Variants in XXYLT1 observed in about 807,000 individuals in gnomAD.
XXYLT1 encodes the protein xyloside xylosyltransferase 1.
In XXYLT1, 20 loss-of-function variants were observed where a neutral mutation model predicts 28.9. The observed-to-expected ratio is 0.69, with a 90% confidence interval of 0.49 to 1.00. The LOEUF is 1.00. XXYLT1 is among the 50% of genes least tolerant of loss of function. XXYLT1 has a pLI of 0.00. For synonymous variants in XXYLT1, 257 were observed against 253.8 expected, an observed-to-expected ratio of 1.01 and a Z score of -0.12; for missense variants, 542 against 560.1, an observed-to-expected ratio of 0.97 and a Z score of 0.33.
At chr3:195,236,759 C>T (rs568434191) in intron 1 of XXYLT1, among the ~76,000 whole-genome samples, 1 of 152,210 alleles carries the variant, frequency 6.6e-6, no homozygotes, top group East Asian at 1.9e-4. Flanking sequence ...TATGTACTAC[C>T]TGGTTACCAC....
chr3:195,250,265 A>G (rs1368429017), intron 1 of XXYLT1, among the ~76,000 whole-genome samples: 1 of 152,110 alleles, frequency 6.6e-6, no homozygotes, highest in Non-Finnish European at 1.5e-5. Flanking sequence ...TGCCCATCCA[A>G]TTAAAAACTG....
At chr3:195,087,697 G>A (rs964378246) in intron 3 of XXYLT1, among the ~76,000 whole-genome samples, 1 of 152,326 alleles carries the variant, frequency 6.6e-6, no homozygotes. Context: ...GGCCGAATAG[G>A]AACAGCTCTG....
At chr3:195,249,138 A>G (rs1725152848) in intron 1 of XXYLT1, among the ~76,000 whole-genome samples, 2 of 152,260 alleles carry the variant, frequency 1.3e-5, no homozygotes, top group Non-Finnish European at 2.9e-5. Context: ...TGGGTGAGAC[A>G]CTGTTTAAAA....
At chr3:195,112,920 G>A (rs1717856016) in intron 3 of XXYLT1, among the ~76,000 whole-genome samples, 1 of 152,260 alleles carries the variant, frequency 6.6e-6, no homozygotes. Flanking sequence ...GCCCCAGGTG[G>A]TGGGAACAGC....
At chr3:195,084,166 C>T (rs928552281) in intron 3 of XXYLT1, among the ~76,000 whole-genome samples, 3 of 152,212 alleles carry the variant, frequency 2.0e-5, no homozygotes, top group Non-Finnish European at 4.4e-5. Flanking sequence ...TCCTAGCGGG[C>T]TTTGGTTCTC....
At chr3:195,127,284 C>G (rs1718688964) in intron 3 of XXYLT1, among the ~76,000 whole-genome samples, 1 of 152,202 alleles carries the variant, frequency 6.6e-6, no homozygotes, top group Non-Finnish European at 1.5e-5. Flanking sequence ...GACTCTCAAG[C>G]ATCATCCGTA....
At chr3:195,179,289 G>A (rs956029699) in intron 2 of XXYLT1, among the ~76,000 whole-genome samples, 6 of 150,162 alleles carry the variant, frequency 4.0e-5, no homozygotes, top group African/African-American at 1.2e-4. Context: ...GCAGTGAGCC[G>A]AGATCGCGCC....
chr3:195,072,564 C>T (rs1342369236), intron 3 of XXYLT1, among the ~76,000 whole-genome samples: 2 of 152,146 alleles, frequency 1.3e-5, no homozygotes, highest in Non-Finnish European at 2.9e-5. Context: ...GGACAATGCT[C>T]AGCACCACCA....
Position 195,150,098 on chromosome 3 carries a change from G to A in XXYLT1, c.785+6351C>T, listed in dbSNP as rs1353039274. Among the ~76,000 whole-genome samples, 1 of 152,182 alleles carries A rather than the reference G, an allele frequency of 6.6e-6. No individual in the cohort carries two copies. On this transcript the variant is annotated intron_variant, in intron 3 of 3. Coordinates refer to ENST00000310380, the MANE Select transcript of XXYLT1 (RefSeq NM_152531.5). This position sits in a 1 kb window ranked among gnomAD's most constrained non-coding sequence, Gnocchi z 4.7. Reference sequence around the variant, plus strand: ...AGGCTGAGGTTAAGTGACTTCCCTAGGTTCACAGAACTTATCAGTGGCCAA... The same window carrying A: ...AGGCTGAGGTTAAGTGACTTCCCTAAGTTCACAGAACTTATCAGTGGCCAA...
chr3:195,198,933 T>G (rs558002235), intron 2 of XXYLT1, among the ~76,000 whole-genome samples: 1 of 152,242 alleles, frequency 6.6e-6, no homozygotes, highest in Admixed American at 6.5e-5. Context: ...CAAAAACCAA[T>G]TCTCAAGTTA....
At position 195,077,131 on chromosome 3, in the gene XXYLT1, G is replaced by A. The variant is rs980714692; in HGVS notation, c.786-7020C>T. ...AAAACCCCAGCCCCTGCTGCTCTCA[G>A]TGGGTGGAGACAGAATGACCCACAG... On this transcript the variant is annotated intron_variant, in intron 3 of 3. Transcript: ENST00000310380. The surrounding 1 kb of genome is among the most constrained non-coding windows in gnomAD (Gnocchi z 4.8). Among the ~76,000 whole-genome samples, 1 of 152,182 alleles carries A rather than the reference G, an allele frequency of 6.6e-6. No individual in the cohort carries two copies. Among genetic ancestry groups the A allele is most frequent in the Non-Finnish European group, 1.5e-5 (1 of 68,028 alleles).
intron 2 of XXYLT1, among the ~76,000 whole-genome samples, chr3:195,160,024 C>T (rs150754032): frequency 5.9e-5 from 9 of 152,112 alleles, no homozygotes; most frequent in African/African-American, 2.2e-4. Flanking sequence ...GTCATCTGAC[C>T]ATGGGTGGAA....
intron 3 of XXYLT1, among the ~76,000 whole-genome samples, chr3:195,131,083 G>A (rs1718883672): frequency 7.5e-6 from 1 of 133,600 alleles, no homozygotes; most frequent in African/African-American, 2.9e-5. Flanking sequence ...CTCAGAAATG[G>A]GACCCAAACA....
chr3:195,271,012 C>T lies in XXYLT1; in HGVS notation c.47G>A (p.Arg16His), dbSNP rs1357086058. Residue 16 changes from arginine (R) to histidine (H), a missense_variant, in exon 1 of 4, where the codon CGC becomes CAC. Physicochemically the swap from Arg to His is conservative, Grantham distance 29. Coordinates refer to ENST00000310380, the MANE Select transcript of XXYLT1 (RefSeq NM_152531.5). ...GTAGTGGGAGCGCACAGCGCCCAGG[C>T]GCGCCATGGCCCGAGCGCATGGGAG... is the stretch of plus-strand genomic sequence containing the variant. Reference protein sequence around the residue: ...GGLPCARAMARLGAVRSHYCA... With the variant: ...GGLPCARAMAHLGAVRSHYCA... The T allele has an allele frequency of 5.4e-6, 8 of 1,473,706 alleles. No homozygotes were observed. The highest frequency in any genetic ancestry group is 3.9e-5 in the South Asian group (3 of 77,794). 91.3% of individuals were successfully genotyped at this position (1,473,706 alleles called of 1,614,324 possible).
chr3:195,070,224 G>A (rs1714725218), intron 3 of XXYLT1, 113 bp from the exon 4 acceptor site: 8 of 1,338,684 alleles, frequency 6.0e-6, no homozygotes, highest in East Asian at 2.5e-5. Flanking sequence ...ATTCCGGGGT[G>A]CAGAATCCGC....
intron 1 of XXYLT1, chr3:195,259,763 A>G (rs958738150): frequency 2.6e-6 from 2 of 766,420 alleles, no homozygotes; most frequent in African/African-American, 3.8e-5. Context: ...CAAATTCCCC[A>G]CCGGCGCCAG....
chr3:195,101,902 CGGAGGAAA>C (rs931851460), intron 3 of XXYLT1, among the ~76,000 whole-genome samples: 1 of 109,558 alleles, frequency 9.1e-6, no homozygotes, highest in Non-Finnish European at 1.7e-5. Flanking sequence ...CAAAGAGGAA[CGGAGGAAA>C]GGAGGAAAGG....
intron 1 of XXYLT1, among the ~76,000 whole-genome samples, chr3:195,242,624 G>A (rs534250656): frequency 1.6e-4 from 24 of 152,302 alleles, no homozygotes; most frequent in Middle Eastern, 6.8e-3. Context: ...GTGGAAAAGC[G>A]GGGGTTCACA....
chr3:195,189,503 AT>A (rs1443674056), intron 2 of XXYLT1, among the ~76,000 whole-genome samples: 1 of 152,240 alleles, frequency 6.6e-6, no homozygotes. Context: ...AATCAAAACT[AT>A]TTTTTAATGC....
Sources: gnomAD v4.1 joint callset for allele counts (sites outside exome capture counted in the v4.1 genomes callset) on GRCh38, gnomAD v4.1.1 for gene constraint, Gnocchi (gnomAD v3.1) non-coding constraint, MANE v1.5 for transcripts, NCBI Gene and HGNC (gene_info 2026-07-23, HGNC 2026-07-21) for gene names.